The following DPYSL5 variants were observed in gnomAD, a reference collection of about 807,000 sequenced individuals.
DPYSL5 encodes dihydropyrimidinase like 5.
Under a neutral mutation model 58.4 loss-of-function variants are expected in DPYSL5, and 9 were observed. The ratio of observed to expected loss-of-function variants is 0.15; its 90% CI spans 0.09 to 0.27. The LOEUF is 0.27. DPYSL5 is among the 10% of genes least tolerant of loss of function. The probability of loss-of-function intolerance (pLI) is 1.00; values close to 1 mark genes in which losing one functional copy is unlikely to be tolerated. For synonymous variants in DPYSL5, 293 were observed against 301.9 expected (o/e 0.97, Z 0.31); for missense variants, 499 against 770.6 (o/e 0.65, Z 4.17).
At chr2:26,915,931 G>T (rs1664551768) in intron 2 of DPYSL5, among the ~76,000 whole-genome samples, 1 of 152,038 alleles carries the variant, frequency 6.6e-6, no homozygotes, top group Non-Finnish European at 1.5e-5. Flanking sequence ...TGAACAATGA[G>T]GATAATAATG....
intron 1 of DPYSL5, among the ~76,000 whole-genome samples, chr2:26,876,027 A>C (rs1263131168): frequency 6.6e-6 from 1 of 152,168 alleles, no homozygotes; most frequent in Admixed American, 6.6e-5. Context: ...GGAAAGGCCC[A>C]TTTCCTCTTT....
rs564042667 is a variant in DPYSL5, at chr2:26,874,480, C to T, written c.-4-24016C>T. On this transcript the variant is annotated intron_variant, in intron 1 of 12. Transcript: ENST00000288699. Reference sequence around the variant, plus strand: ...CATTTGTTGAAAGACTACTCTTTCCCGCATTGAATTACCTTGGTACGTTTG... The same window carrying T: ...CATTTGTTGAAAGACTACTCTTTCCTGCATTGAATTACCTTGGTACGTTTG... 2.0e-4 allele frequency among the ~76,000 whole-genome samples: 30 copies of T among 152,222 alleles called. 2 individuals carry two copies. The South Asian group carries it at 6.0e-3, about 31-fold the overall frequency.
chr2:26,928,486 G>C (rs72851860), intron 5 of DPYSL5, among the ~76,000 whole-genome samples, 163 bp downstream of exon 5: 1 of 151,170 alleles, frequency 6.6e-6, no homozygotes, highest in African/African-American at 2.4e-5. Flanking sequence ...CTTGAACCCA[G>C]GAATTTAAGA....
chr2:26,904,074 T>C (rs1483232616), intron 2 of DPYSL5, among the ~76,000 whole-genome samples: 2 of 152,022 alleles, frequency 1.3e-5, no homozygotes, highest in South Asian at 2.1e-4. Flanking sequence ...TAATCAAGAG[T>C]GCTTGTGCAG....
chr2:26,931,434 A>G (rs1664985614), intron 5 of DPYSL5, among the ~76,000 whole-genome samples: 1 of 151,774 alleles, frequency 6.6e-6, no homozygotes, highest in Non-Finnish European at 1.5e-5. Context: ...CCCAAGTAGC[A>G]TCCAGCAAGG....
rs756731068 is a variant in DPYSL5, at chr2:26,914,078, C to T, written c.262-10809C>T. ...TCGCCCAGGCTGGGAGGTTCTGTGC[C>T]GAGTTACTATTTCAGCAGCAGCATC... On this transcript the variant is annotated intron_variant, in intron 2 of 12. Coordinates refer to ENST00000288699, the MANE Select transcript of DPYSL5 (RefSeq NM_020134.4). 2.6e-5 allele frequency among the ~76,000 whole-genome samples: 4 copies of T among 152,218 alleles called. No homozygotes were observed. The East Asian group carries it at 7.7e-4, about 29-fold the overall frequency.
intron 1 of DPYSL5, among the ~76,000 whole-genome samples, chr2:26,875,333 G>A (rs1195518567): frequency 3.3e-5 from 5 of 152,220 alleles, no homozygotes; most frequent in Non-Finnish European, 7.3e-5. Flanking sequence ...GTGAAAACAG[G>A]CAGGAGAGCA....
At position 26,931,201 on chromosome 2, in the gene DPYSL5, GTGTATA is replaced by G. The variant is rs1317935834; in HGVS notation, c.670-437_670-432del. ...TGTGTGTGTGTGTGTGTGTGTGTGT[GTGTATA>G]TATATATATATATATATATATATGA... is the stretch of plus-strand genomic sequence containing the variant. On this transcript the variant is annotated intron_variant, in intron 5 of 12. Coordinates refer to ENST00000288699, the MANE Select transcript of DPYSL5 (RefSeq NM_020134.4). 2.4e-4 allele frequency among the ~76,000 whole-genome samples: 13 copies of G among 54,560 alleles called. No homozygotes were observed. In the East Asian group the frequency reaches 4.0e-3, roughly 17 times the overall value. The allele number at this position is 54,560 out of a possible 152,430, so 35.8% of individuals were successfully genotyped here. A position where few individuals can be genotyped will look rare whatever the true frequency, so the allele number is the denominator to read the frequency against.
intron 8 of DPYSL5, among the ~76,000 whole-genome samples, chr2:26,936,206 C>G (rs1172110414): frequency 6.6e-6 from 1 of 152,168 alleles, no homozygotes; most frequent in Non-Finnish European, 1.5e-5. Context: ...AGTCTCCCTC[C>G]GAGGGTCCCG....
chr2:26,870,814 C>T (rs887748100), intron 1 of DPYSL5, among the ~76,000 whole-genome samples: 9 of 151,774 alleles, frequency 5.9e-5, no homozygotes, highest in Non-Finnish European at 1.0e-4. Context: ...GTCAAAACAA[C>T]AAGGTTGAGA....
intron 12 of DPYSL5, among the ~76,000 whole-genome samples, chr2:26,945,553 A>G (rs946437533): frequency 6.6e-5 from 10 of 151,000 alleles, no homozygotes; most frequent in Admixed American, 1.3e-4. Context: ...GGGCTCATAA[A>G]TGATGATCCT....
Position 26,942,150 on chromosome 2 carries a change from G to T in DPYSL5, c.1232+58G>T, listed in dbSNP as rs1665339711. 4 of 1,604,312 alleles carry T rather than the reference G, an allele frequency of 2.5e-6. No homozygotes were observed. In the South Asian group the frequency reaches 3.3e-5, roughly 13 times the overall value. On this transcript the variant is annotated intron_variant, in intron 10 of 12. Coordinates refer to ENST00000288699, the MANE Select transcript of DPYSL5 (RefSeq NM_020134.4). The surrounding 1 kb of genome is among the most constrained non-coding windows in gnomAD (Gnocchi z 5.9). Reference sequence around the variant, plus strand: ...GGGCTTGGGATTTTGAAGAAGACTTGCATTACAGATCTCCAAAAGCATATA... The same window carrying T: ...GGGCTTGGGATTTTGAAGAAGACTTTCATTACAGATCTCCAAAAGCATATA...
intron 2 of DPYSL5, among the ~76,000 whole-genome samples, chr2:26,922,482 T>C (rs1313882845): frequency 6.6e-6 from 1 of 152,226 alleles, no homozygotes; most frequent in Non-Finnish European, 1.5e-5. Flanking sequence ...TTTGAGTGTT[T>C]AGAGAATCAG....
chr2:26,848,154 G>T lies in DPYSL5; in HGVS notation c.-105G>T, dbSNP rs1665644824. On this transcript the variant is annotated 5_prime_UTR_variant, in exon 1 of 13. Coordinates refer to ENST00000288699, the MANE Select transcript of DPYSL5 (RefSeq NM_020134.4). ...GCTGAGGCGGCCCCCGAGCGAGCGCGCGTGCAGCCGCCGCCGCCCCGAGCA... is the reference window on the plus strand; with the variant it reads ...GCTGAGGCGGCCCCCGAGCGAGCGCTCGTGCAGCCGCCGCCGCCCCGAGCA... 6.6e-6 allele frequency: 1 copy of T among 151,466 alleles called. No homozygotes were observed. The highest frequency in any genetic ancestry group is 2.4e-5 in the African/African-American group (1 of 41,336). 9.4% of individuals were successfully genotyped at this position (151,466 alleles called of 1,614,324 possible).
intron 1 of DPYSL5, among the ~76,000 whole-genome samples, chr2:26,872,458 G>C (rs533541676): frequency 6.6e-6 from 1 of 152,158 alleles, no homozygotes; most frequent in South Asian, 2.1e-4. Context: ...TTGAGAGGCC[G>C]AGGTGGGCGG....
chr2:26,854,727 A>G (rs1476170182), intron 1 of DPYSL5, among the ~76,000 whole-genome samples: 2 of 152,176 alleles, frequency 1.3e-5, no homozygotes, highest in Non-Finnish European at 2.9e-5. Flanking sequence ...TGAAAGAATG[A>G]CTGAATGGTT....
chr2:26,942,570 G>A lies in DPYSL5; in HGVS notation c.1260G>A (p.Gln420=), dbSNP rs759623879. 6.2e-7 allele frequency: 1 copy of A among 1,614,156 alleles called. No individual in the cohort carries two copies. Among genetic ancestry groups the A allele is most frequent in the South Asian group, 1.1e-5 (1 of 91,066 alleles). ...TKTISASTQV[Q]GGDFNLYENM... ...CCATCTCAGCCAGCACGCAGGTCCA[G>A]GGAGGAGACTTCAACCTGTATGAGA... Residue 420 remains glutamine (Q), a synonymous_variant, in exon 11 of 13, where the codon CAG becomes CAA. Transcript: ENST00000288699. This position sits in a 1 kb window ranked among gnomAD's most constrained non-coding sequence, Gnocchi z 5.9.
chr2:26,926,950 T>TGG (rs1664842165), intron 3 of DPYSL5, among the ~76,000 whole-genome samples: 1 of 152,234 alleles, frequency 6.6e-6, no homozygotes, highest in South Asian at 2.1e-4. Context: ...CCATTAAGGC[T>TGG]GGTTTGGAGA....
intron 9 of DPYSL5, among the ~76,000 whole-genome samples, chr2:26,940,711 C>CTA: frequency 6.6e-6 from 1 of 151,786 alleles, no homozygotes; most frequent in East Asian, 1.9e-4. Flanking sequence ...TCATATAACA[C>CTA]TATACCCTGA....
Sources: allele counts gnomAD v4.1 joint callset (sites outside exome capture counted in the v4.1 genomes callset), GRCh38; gene constraint gnomAD v4.1.1; non-coding constraint Gnocchi (gnomAD v3.1); transcripts MANE v1.5; gene names NCBI Gene and HGNC (gene_info 2026-07-23, HGNC 2026-07-21).